Variants in TPX2 observed in about 807,000 individuals in gnomAD.
The protein encoded by TPX2 is TPX2 microtubule nucleation factor, also known as targeting protein for Xklp2.
TPX2 carries 21 observed loss-of-function variants against 93.6 expected under a neutral mutation model. The observed-to-expected ratio is 0.22, with a 90% CI of 0.16 to 0.32. The LOEUF (loss-of-function observed/expected upper bound fraction) is 0.32, where lower values mean the gene tolerates loss of function less well. Among genes scored for constraint, TPX2 ranks in the 10% least tolerant of loss-of-function variants. The probability of loss-of-function intolerance (pLI) is 1.00; values close to 1 mark genes in which losing one functional copy is unlikely to be tolerated. For missense variants in TPX2, 776 were observed against 871.1 expected (o/e 0.89, Z 1.37); for synonymous variants, 281 against 298.3 (o/e 0.94, Z 0.60).
chr20:31,782,507 T>A, intron 11 of TPX2, 117 bp downstream of exon 11: 2 of 1,328,344 alleles, frequency 1.5e-6, no homozygotes, highest in Non-Finnish European at 1.0e-6. Flanking sequence ...GGCATTTGAG[T>A]AGTAGGCTCT....
At chr20:31,752,947 T>G (rs561311332) in intron 2 of TPX2, among the ~76,000 whole-genome samples, 7 of 152,120 alleles carry the variant, frequency 4.6e-5, no homozygotes, top group African/African-American at 1.7e-4. Flanking sequence ...AGATATAGAG[T>G]GTCATCCTTG....
At chr20:31,745,628 T>G (rs116148822) in intron 2 of TPX2, among the ~76,000 whole-genome samples, 1,907 of 152,298 alleles carry the variant, frequency 0.013, 37 homozygotes, top group African/African-American at 0.044. Flanking sequence ...TAATAAACAC[T>G]TTTATTAGGT....
At chr20:31,765,413 C>T (rs569372774) in intron 4 of TPX2, among the ~76,000 whole-genome samples, 1 of 151,296 alleles carries the variant, frequency 6.6e-6, no homozygotes, top group East Asian at 1.9e-4. Context: ...CTTTCTCTTC[C>T]CATCCCTACC....
In TPX2 at chr20:31,767,153, T is replaced by TA. The variant is rs972451729; in HGVS notation, c.356+479dup. Among the ~76,000 whole-genome samples, 11 of 152,052 alleles carry TA rather than the reference T, an allele frequency of 7.2e-5. No homozygotes were observed. The East Asian group carries it at 7.7e-4, about 11-fold the overall frequency. On this transcript the variant is annotated intron_variant, in intron 5 of 17. Transcript: ENST00000300403. Reference sequence around the variant, plus strand: ...ATGGGTTTGTGTGGTTGGTATAAATTAAAAAAAATCTGTATAACATTTATG... The same window carrying TA: ...ATGGGTTTGTGTGGTTGGTATAAATTAAAAAAAAATCTGTATAACATTTATG...
intron 5 of TPX2, 78 bp from the exon 6 acceptor site, chr20:31,770,265 C>G: frequency 9.4e-7 from 1 of 1,060,998 alleles, no homozygotes; most frequent in Non-Finnish European, 1.2e-6. Context: ...GTTTGACATC[C>G]TTTCACATTT....
intron 6 of TPX2, among the ~76,000 whole-genome samples, chr20:31,770,968 T>C (rs2061961863): frequency 6.6e-6 from 1 of 151,938 alleles, no homozygotes; most frequent in Admixed American, 6.6e-5. Context: ...TTTCTTTTGC[T>C]TGTTGTCTCA....
intron 17 of TPX2, 113 bp downstream of exon 17, chr20:31,798,665 C>A: frequency 7.7e-7 from 1 of 1,295,604 alleles, no homozygotes; most frequent in Non-Finnish European, 1.0e-6. Flanking sequence ...GTACCAAAGA[C>A]AATGAGTGAA....
At chr20:31,794,734 T>C (rs956898882) in intron 15 of TPX2, among the ~76,000 whole-genome samples, 186 bp downstream of exon 15, 1 of 151,692 alleles carries the variant, frequency 6.6e-6, no homozygotes, top group African/African-American at 2.4e-5. Flanking sequence ...TTTTGTAGGT[T>C]ACATATGGTC....
At chr20:31,779,843 T>C (rs1600383120) in intron 10 of TPX2, among the ~76,000 whole-genome samples, 1 of 151,658 alleles carries the variant, frequency 6.6e-6, no homozygotes, top group African/African-American at 2.4e-5. Flanking sequence ...ACTGGGGGAG[T>C]TTGTAGATTT....
At position 31,793,835 on chromosome 20, in the gene TPX2, A is replaced by AT. The variant is rs778926142; in HGVS notation, c.1510-7dup. 81 of 1,552,474 alleles carry AT rather than the reference A, an allele frequency of 5.2e-5. No individual in the cohort carries two copies. The highest frequency in any genetic ancestry group is 6.6e-5 in the Non-Finnish European group (76 of 1,148,964). The stretch of plus-strand genomic sequence containing the variant: ...TGAGGAGTCTTATTTCTAAACTGCA[A>AT]TTTTTTCCCTAGGAAGAGGACGAAC... On this transcript the variant is annotated splice_polypyrimidine_tract_variant and intron_variant, in intron 13 of 17. Transcript: ENST00000300403.
Position 31,783,908 on chromosome 20 carries a change from T to C in TPX2, c.1400T>C (p.Leu467Ser). ...FHSRPCPTKI[L>S]EDVVGVPEKK... ...TCCAGACCTTGCCCTACTAAGATTT[T>C]GGAAGATGTTGTGGTAAGGTTGAGG... The change falls in exon 12 of 18, where the codon TTG (leucine) becomes TCG (serine). Residue 467 changes from leucine to serine, a missense_variant. Leu to Ser is a moderately radical substitution (Grantham distance 145). Transcript: ENST00000300403. The C allele has an allele frequency of 1.2e-6, 2 of 1,613,210 alleles. No homozygotes were observed. The highest frequency in any genetic ancestry group is 1.7e-6 in the Non-Finnish European group (2 of 1,179,848).
In TPX2 at chr20:31,760,131, T is replaced by C; in HGVS notation, c.181T>C (p.Leu61=). Residue 61 remains leucine (L), a synonymous_variant, in exon 4 of 18, where the codon TTG becomes CTG. Transcript: ENST00000300403. ...TGGLFQGKTP[L]RKANLQQAIV... is the part of the protein sequence containing the mutation. ...AGGGCTTTTTCAGGGCAAAACTCCT[T>C]TGAGAAAGGCTAATCTTCAGCAAGC... The C allele has an allele frequency of 6.2e-7, 1 of 1,613,978 alleles. No individual in the cohort carries two copies. Among genetic ancestry groups the C allele is most frequent in the East Asian group, 2.2e-5 (1 of 44,858 alleles).
At chr20:31,742,050 G>A (rs1449447601) in intron 1 of TPX2, among the ~76,000 whole-genome samples, 1 of 152,126 alleles carries the variant, frequency 6.6e-6, no homozygotes, top group Non-Finnish European at 1.5e-5. Flanking sequence ...TGTTTGTGTA[G>A]GGAAACTTGG....
At chr20:31,755,607 C>G (rs988117113) in intron 2 of TPX2, among the ~76,000 whole-genome samples, 1 of 151,670 alleles carries the variant, frequency 6.6e-6, no homozygotes, top group Non-Finnish European at 1.5e-5. Flanking sequence ...CTACTGAAAA[C>G]AAAAAATTAG....
intron 6 of TPX2, among the ~76,000 whole-genome samples, chr20:31,770,702 G>C (rs551786363): frequency 1.5e-4 from 23 of 152,198 alleles, no homozygotes; most frequent in Admixed American, 3.3e-4. Flanking sequence ...GTTGGCATAG[G>C]TTTTACCTCT....
intron 7 of TPX2, among the ~76,000 whole-genome samples, chr20:31,773,826 T>C (rs1312052665): frequency 6.6e-6 from 1 of 152,166 alleles, no homozygotes; most frequent in Non-Finnish European, 1.5e-5. Flanking sequence ...TTAACATATC[T>C]GTCACCTCAA....
intron 2 of TPX2, among the ~76,000 whole-genome samples, chr20:31,756,013 C>T (rs536901664): frequency 1.3e-5 from 2 of 152,312 alleles, no homozygotes; most frequent in South Asian, 4.1e-4. Context: ...CATGTTGTGA[C>T]TCTTACGTGT....
chr20:31,759,123 C>G (rs1600363357), intron 3 of TPX2, among the ~76,000 whole-genome samples: 1 of 152,080 alleles, frequency 6.6e-6, no homozygotes, highest in African/African-American at 2.4e-5. Context: ...TACACAGTTG[C>G]AATCAGAATG....
In TPX2 at chr20:31,755,244, G is replaced by A. The variant is rs564944777; in HGVS notation, c.-70-2163G>A. 4.1e-3 allele frequency among the ~76,000 whole-genome samples: 607 copies of A among 147,340 alleles called. 2 individuals are homozygous for A. Among genetic ancestry groups the A allele is most frequent in the Non-Finnish European group, 6.5e-3 (436 of 67,096 alleles). On this transcript the variant is annotated intron_variant, in intron 2 of 17. Transcript: ENST00000300403. ...ATTACAGGCGTGAGCCACCGTGCCC[G>A]GCCGCTTTTTTGTATTTTTAGTAGA...
Sources: gnomAD v4.1 joint callset for allele counts (sites outside exome capture counted in the v4.1 genomes callset) on GRCh38, gnomAD v4.1.1 for gene constraint, MANE v1.5 for transcripts, NCBI Gene and HGNC (gene_info 2026-07-23, HGNC 2026-07-21) for gene names.